The following CASK variants were observed in gnomAD, a reference collection of about 807,000 sequenced individuals.
CASK encodes the protein calcium/calmodulin dependent serine protein kinase, also known as peripheral plasma membrane protein CASK.
In CASK, 4 loss-of-function variants were observed where a neutral mutation model predicts 82.9. That is an observed-to-expected ratio of 0.05 (90% CI 0.02 to 0.11). The LOEUF (loss-of-function observed/expected upper bound fraction) is 0.11, where lower values mean the gene tolerates loss of function less well. Ranked by LOEUF, CASK falls within the 10% of genes least tolerant of loss-of-function variation. The probability of loss-of-function intolerance (pLI) is 1.00; values close to 1 mark genes in which losing one functional copy is unlikely to be tolerated. For missense variants in CASK, 358 were observed against 720.9 expected, an observed-to-expected ratio of 0.50 and a Z score of 5.76; for synonymous variants, 259 against 253.5, an observed-to-expected ratio of 1.02 and a Z score of -0.20.
chrX:41,612,279 C>T (rs1259834882), intron 11 of CASK, among the ~76,000 whole-genome samples: 2 of 109,063 alleles, frequency 1.8e-5, no homozygotes, highest in Non-Finnish European at 1.9e-5. Context: ...GGCCGCCCAT[C>T]GTCTGAGATG....
intron 14 of CASK, among the ~76,000 whole-genome samples, chrX:41,582,087 C>T (rs1473861611): frequency 9.0e-6 from 1 of 111,089 alleles, no homozygotes; most frequent in Non-Finnish European, 1.9e-5. Flanking sequence ...CCCCATCTGC[C>T]CATGTTCTAC....
intron 1 of CASK, among the ~76,000 whole-genome samples, chrX:41,877,394 C>T (rs1468360237): frequency 9.0e-6 from 1 of 111,651 alleles, no homozygotes; most frequent in African/African-American, 3.3e-5. Flanking sequence ...AGGGAGAATA[C>T]TTATGAGACA....
chrX:41,826,164 T>C (rs1478795980), intron 2 of CASK, among the ~76,000 whole-genome samples: 1 of 112,092 alleles, frequency 8.9e-6, no homozygotes, highest in Admixed American at 9.4e-5. Flanking sequence ...AGATTAAAGA[T>C]GGCCAGAAAT....
rs2068854070 is a variant in CASK, at chrX:41,754,445, G to C, written c.279-8844C>G. 2.7e-5 allele frequency among the ~76,000 whole-genome samples: 3 copies of C among 111,258 alleles called. No individual in the cohort carries two copies. In the South Asian group the frequency reaches 1.1e-3, roughly 42 times the overall value. ...ACATTTAAGAACTAAACATCTACCT[G>C]TATAAGTTACATAAAGATCATCAAA... On this transcript the variant is annotated intron_variant, in intron 3 of 26. Transcript: ENST00000378163.
At chrX:41,581,474 T>C (rs2065578922) in intron 14 of CASK, among the ~76,000 whole-genome samples, 1 of 110,924 alleles carries the variant, frequency 9.0e-6, no homozygotes, top group Admixed American at 9.7e-5. Flanking sequence ...TATCTGGATT[T>C]TCAGTGTTGG....
At chrX:41,812,092 A>G (rs1291646565) in intron 2 of CASK, among the ~76,000 whole-genome samples, 2 of 111,960 alleles carry the variant, frequency 1.8e-5, no homozygotes, top group Non-Finnish European at 3.8e-5. Context: ...TTGAGGCAAT[A>G]ATTAATAGCC....
chrX:41,597,853 T>C (rs1488941794), intron 12 of CASK, among the ~76,000 whole-genome samples: 2 of 111,187 alleles, frequency 1.8e-5, no homozygotes, highest in East Asian at 5.6e-4. Context: ...TATAAACTTG[T>C]TGAGGCCAGG....
chrX:41,583,028 T>C (rs111422646), intron 14 of CASK, among the ~76,000 whole-genome samples: 2,736 of 112,187 alleles, frequency 0.024, 91 homozygotes, highest in African/African-American at 0.084. Flanking sequence ...GTCTTATTCA[T>C]TACTAGGTCC....
rs1157572153 is a variant in CASK, at chrX:41,696,995, CTT to C, written c.430-25467_430-25466del. ...CAAAATACATTTTTAAGCTAATACT[CTT>C]AACATAGATTATGAAGTTAAGTGAA... On this transcript the variant is annotated intron_variant, in intron 5 of 26. Transcript: ENST00000378163. 9.5e-5 allele frequency: 28 copies of C among 295,451 alleles called. No homozygotes were observed. In the East Asian group the frequency reaches 1.3e-3, roughly 14 times the overall value. 24.3% of individuals were successfully genotyped at this position (295,451 alleles called of 1,213,427 possible). A position where few individuals can be genotyped will look rare whatever the true frequency, so the allele number is the denominator to read the frequency against.
chrX:41,745,120 C>T (rs1423355735), intron 4 of CASK, among the ~76,000 whole-genome samples: 2 of 112,020 alleles, frequency 1.8e-5, no homozygotes, highest in Admixed American at 1.9e-4. Flanking sequence ...TGGGTTCAAA[C>T]GATTCTCCTG....
chrX:41,660,288 T>C, intron 8 of CASK, 151 bp downstream of exon 8: 1 of 509,024 alleles, frequency 2.0e-6, no homozygotes, highest in South Asian at 2.7e-5. Flanking sequence ...TCACAGATGA[T>C]GTGCAGGAAC....
intron 11 of CASK, among the ~76,000 whole-genome samples, chrX:41,612,415 T>C: frequency 1.0e-5 from 1 of 96,140 alleles, no homozygotes; most frequent in Admixed American, 1.1e-4. Context: ...GAGGAGCCCC[T>C]CCGCCCGGCA....
chrX:41,632,773 G>A (rs907936358), intron 9 of CASK, among the ~76,000 whole-genome samples: 8 of 111,144 alleles, frequency 7.2e-5, no homozygotes, highest in Admixed American at 9.6e-5. Flanking sequence ...AAGGCTGGGC[G>A]CGGTGGCTTA....
intron 3 of CASK, among the ~76,000 whole-genome samples, chrX:41,765,884 A>AG (rs1464731765): frequency 3.9e-4 from 44 of 111,617 alleles, no homozygotes; most frequent in African/African-American, 1.4e-3. Flanking sequence ...TAAAGCAAGG[A>AG]GAAAAAAAAG....
At chrX:41,522,323 G>C (rs1270640840) in intron 26 of CASK, 1 of 111,582 alleles carries the variant, frequency 9.0e-6, no homozygotes, top group Non-Finnish European at 1.9e-5. Context: ...TTTCTCTCAG[G>C]GCACTCTGAA....
chrX:41,773,921 A>T (rs1457185481), intron 3 of CASK, among the ~76,000 whole-genome samples: 1 of 111,784 alleles, frequency 8.9e-6, no homozygotes, highest in Non-Finnish European at 1.9e-5. Flanking sequence ...ACTATTGTAG[A>T]CTTTCTAGAC....
intron 11 of CASK, among the ~76,000 whole-genome samples, chrX:41,622,385 ACT>A (rs765896449): frequency 3.6e-5 from 4 of 112,470 alleles, no homozygotes; most frequent in African/African-American, 1.3e-4. Flanking sequence ...AAATTTTAAC[ACT>A]GTCTTTTTTC....
At chrX:41,802,358 G>C (rs944393581) in intron 2 of CASK, among the ~76,000 whole-genome samples, 2 of 111,249 alleles carry the variant, frequency 1.8e-5, no homozygotes, top group African/African-American at 6.5e-5. Context: ...TCAAAGTAGA[G>C]CAAAAAGATA....
intron 14 of CASK, among the ~76,000 whole-genome samples, chrX:41,582,001 A>G (rs2065586720): frequency 1.8e-5 from 2 of 111,122 alleles, no homozygotes; most frequent in Admixed American, 9.6e-5. Context: ...GGAATTGTGA[A>G]ATGGGTTTAA....
Sources: gnomAD v4.1 joint callset for allele counts (sites outside exome capture counted in the v4.1 genomes callset) on GRCh38, gnomAD v4.1.1 for gene constraint, MANE v1.5 for transcripts, NCBI Gene and HGNC (gene_info 2026-07-23, HGNC 2026-07-21) for gene names.